The following TRIM9 variants were observed in gnomAD, a reference collection of about 807,000 sequenced individuals.
The protein encoded by TRIM9 is E3 ubiquitin-protein ligase TRIM9.
Under a neutral mutation model 78.3 loss-of-function variants are expected in TRIM9, and 26 were observed. That is an observed-to-expected ratio of 0.33 (90% CI 0.24 to 0.46). TRIM9 has a LOEUF of 0.46. TRIM9 is among the 20% of genes least tolerant of loss of function. The probability of loss-of-function intolerance (pLI) is 1.00; values close to 1 mark genes in which losing one functional copy is unlikely to be tolerated. For missense variants in TRIM9, 787 were observed against 1,036.4 expected, an observed-to-expected ratio of 0.76 and a Z score of 3.30; for synonymous variants, 398 against 416.5, an observed-to-expected ratio of 0.96 and a Z score of 0.54.
At chr14:50,985,336 C>T (rs2052556752) in intron 8 of TRIM9, among the ~76,000 whole-genome samples, 5 of 152,152 alleles carry the variant, frequency 3.3e-5, no homozygotes, top group Admixed American at 3.3e-4. Flanking sequence ...TGATCCCACC[C>T]CATTGCTAGG....
intron 1 of TRIM9, among the ~76,000 whole-genome samples, chr14:51,039,964 TAGTAA>T (rs2139968115): frequency 6.6e-6 from 1 of 152,188 alleles, no homozygotes; most frequent in African/African-American, 2.4e-5. Flanking sequence ...AGAGTATTTT[TAGTAA>T]ACACGGGGTT....
At chr14:51,004,707 A>G (rs145234101) in intron 5 of TRIM9, among the ~76,000 whole-genome samples, 89 of 152,340 alleles carry the variant, frequency 5.8e-4, no homozygotes, top group African/African-American at 2.0e-3. Context: ...AGCTGAGGAA[A>G]TGGAAACACA....
chr14:51,087,156 T>C (rs1355036492), intron 1 of TRIM9, among the ~76,000 whole-genome samples: 5 of 151,690 alleles, frequency 3.3e-5, no homozygotes, highest in Non-Finnish European at 7.4e-5. Context: ...GCCAGGTTAG[T>C]TGGTCTGGTG....
intron 1 of TRIM9, among the ~76,000 whole-genome samples, chr14:51,029,734 A>G (rs2058565796): frequency 6.6e-6 from 1 of 152,018 alleles, no homozygotes; most frequent in Admixed American, 6.5e-5. Context: ...TGCAATCCCA[A>G]TCACCTCCCT....
At chr14:51,011,494 A>T (rs1333303338) in intron 3 of TRIM9, among the ~76,000 whole-genome samples, 1 of 152,180 alleles carries the variant, frequency 6.6e-6, no homozygotes, top group African/African-American at 2.4e-5. Flanking sequence ...ATGGTTTTTG[A>T]AGCGTAAAAT....
chr14:51,030,289 C>G (rs2058615857), intron 1 of TRIM9, among the ~76,000 whole-genome samples: 1 of 152,216 alleles, frequency 6.6e-6, no homozygotes, highest in African/African-American at 2.4e-5. Flanking sequence ...CTGATTCCCC[C>G]TCTAGGAAAC....
rs1566572832 is a variant in TRIM9 at position 51,009,077 on chromosome 14, T to TA, written c.1306+2dup. 1 of 1,613,612 alleles carries TA rather than the reference T, an allele frequency of 6.2e-7. No individual in the cohort carries two copies. The highest frequency in any genetic ancestry group is 8.5e-7 in the Non-Finnish European group (1 of 1,179,788). ...CTCTGACTTGGGGGATGCAAGGACA[T>TA]ACCTTTCACTTGCACGAAATCCAGC... On this transcript the variant is annotated splice_region_variant and intron_variant, in intron 5 of 12. Transcript: ENST00000684578.
chr14:51,048,871 C>T (rs1219127977), intron 1 of TRIM9, among the ~76,000 whole-genome samples: 1 of 151,632 alleles, frequency 6.6e-6, no homozygotes, highest in East Asian at 2.0e-4. Flanking sequence ...GTAGTCCCAG[C>T]TACTCGGGAG....
intron 8 of TRIM9, among the ~76,000 whole-genome samples, chr14:50,985,729 A>G (rs138134702): frequency 3.9e-5 from 6 of 152,272 alleles, no homozygotes; most frequent in Non-Finnish European, 8.8e-5. Flanking sequence ...TCACTTTCTA[A>G]TGCCGTAATA....
intron 8 of TRIM9, 66 bp from the exon 9 acceptor site, chr14:50,983,487 A>G (rs1392458744): frequency 1.5e-6 from 2 of 1,290,372 alleles, no homozygotes; most frequent in African/African-American, 1.5e-5. Context: ...TTACTTGTAT[A>G]CGCTTAAAAA....
At chr14:51,005,940 A>G (rs774602054) in intron 5 of TRIM9, among the ~76,000 whole-genome samples, 4 of 152,224 alleles carry the variant, frequency 2.6e-5, no homozygotes, top group Non-Finnish European at 4.4e-5. Context: ...TAGATAGTGC[A>G]TTCTTGCTGA....
chr14:51,083,617 G>T (rs934143097), intron 1 of TRIM9, among the ~76,000 whole-genome samples: 1 of 151,320 alleles, frequency 6.6e-6, no homozygotes, highest in African/African-American at 2.4e-5. Flanking sequence ...TGCATTCATT[G>T]GTTCCTATTC....
At chr14:51,001,028 T>C (rs879022725) in intron 5 of TRIM9, among the ~76,000 whole-genome samples, 188 bp from the exon 6 acceptor site, 2 of 152,026 alleles carry the variant, frequency 1.3e-5, no homozygotes, top group African/African-American at 4.8e-5. Flanking sequence ...TGTGAGGCCA[T>C]TTTCTAAGCG....
chr14:51,084,314 A>G (rs1222256033), intron 1 of TRIM9, among the ~76,000 whole-genome samples: 2 of 152,190 alleles, frequency 1.3e-5, no homozygotes, highest in Non-Finnish European at 2.9e-5. Context: ...AAGTTCCTAC[A>G]TTCCATATTT....
chr14:51,033,411 G>A (rs2058894911), intron 1 of TRIM9, among the ~76,000 whole-genome samples: 1 of 152,172 alleles, frequency 6.6e-6, no homozygotes, highest in South Asian at 2.1e-4. Context: ...TTTATAGTAA[G>A]AATAAAGTTA....
chr14:51,013,040 A>T (rs1421723634), intron 3 of TRIM9, among the ~76,000 whole-genome samples: 1 of 152,014 alleles, frequency 6.6e-6, no homozygotes, highest in Non-Finnish European at 1.5e-5. Context: ...TTTCCAACTT[A>T]CCTATATTTT....
rs892088610 is a variant in TRIM9, at chr14:51,094,975, G to C, written c.-36C>G. The C allele has an allele frequency of 1.4e-6, 2 of 1,380,782 alleles. No homozygotes were observed. The highest frequency in any genetic ancestry group is 2.9e-5 in the African/African-American group (2 of 69,228). The allele number at this position is 1,380,782 out of a possible 1,614,324, so 85.5% of individuals were successfully genotyped here. On this transcript the variant is annotated 5_prime_UTR_variant, in exon 1 of 13. Coordinates refer to ENST00000684578, the MANE Select transcript of TRIM9 (RefSeq NM_001387360.1). ...CTGGGAGGAGACAGCGACGGCTGCA[G>C]CGGGTGCCTGAGCTGGCGAGGTGGC... is the stretch of plus-strand genomic sequence containing the variant.
At chr14:51,076,715 G>A (rs913937890) in intron 1 of TRIM9, among the ~76,000 whole-genome samples, 8 of 152,066 alleles carry the variant, frequency 5.3e-5, no homozygotes, top group African/African-American at 4.8e-5. Flanking sequence ...TTTCATCTTC[G>A]CAACAGTCCT....
intron 8 of TRIM9, among the ~76,000 whole-genome samples, chr14:50,983,898 T>A (rs1001100278): frequency 3.3e-5 from 5 of 152,236 alleles, no homozygotes; most frequent in Admixed American, 3.3e-4. Flanking sequence ...AATCCATTTG[T>A]GAATACATAC....
Sources: allele counts gnomAD v4.1 joint callset (sites outside exome capture counted in the v4.1 genomes callset), GRCh38; gene constraint gnomAD v4.1.1; transcripts MANE v1.5; gene names NCBI Gene and HGNC (gene_info 2026-07-23, HGNC 2026-07-21).